The following CEP83 variants were observed in gnomAD, a reference collection of about 807,000 sequenced individuals.
CEP83 encodes the protein centrosomal protein of 83 kDa.
Under a neutral mutation model 101.9 loss-of-function variants are expected in CEP83, and 70 were observed. The observed-to-expected ratio is 0.69, with a 90% confidence interval of 0.57 to 0.84. The LOEUF (loss-of-function observed/expected upper bound fraction) is 0.84, where lower values mean the gene tolerates loss of function less well. Ranked by LOEUF, CEP83 falls within the 40% of genes least tolerant of loss-of-function variation. The pLI, the probability that CEP83 is intolerant of heterozygous loss-of-function variation, is 0.00. For missense variants in CEP83, 715 were observed against 787.2 expected (o/e 0.91, Z 1.10); for synonymous variants, 264 against 267.9 (o/e 0.99, Z 0.14).
chr12:94,291,074 T>G, the CEP83 span, among the ~76,000 whole-genome samples: 1 of 152,116 alleles, frequency 6.6e-6, no homozygotes, highest in Non-Finnish European at 1.5e-5. Context: ...CCCATCAGGG[T>G]GTGGGGGAGG....
chr12:94,443,165 C>G (rs965135917), intron 1 of CEP83, among the ~76,000 whole-genome samples: 2 of 152,126 alleles, frequency 1.3e-5, no homozygotes, highest in African/African-American at 2.4e-5. Flanking sequence ...TTTTGCTGCC[C>G]CACAGGACCC....
chr12:94,397,932 C>G (rs573836887), intron 6 of CEP83, among the ~76,000 whole-genome samples: 1 of 152,200 alleles, frequency 6.6e-6, no homozygotes, highest in Non-Finnish European at 1.5e-5. Flanking sequence ...GGCCCATAAT[C>G]AGAGTGGCAA....
intron 11 of CEP83, among the ~76,000 whole-genome samples, chr12:94,362,463 T>G (rs1406067138): frequency 6.6e-6 from 1 of 152,014 alleles, no homozygotes; most frequent in African/African-American, 2.4e-5. Context: ...CTACTAAAAA[T>G]AACAGTCAAT....
At chr12:94,346,193 G>A (rs892599746) in intron 11 of CEP83, among the ~76,000 whole-genome samples, 11 of 152,000 alleles carry the variant, frequency 7.2e-5, no homozygotes, top group African/African-American at 2.7e-4. Context: ...GGGATTACAG[G>A]CACCTGCCAC....
At chr12:94,354,546 C>A (rs183193733) in intron 11 of CEP83, among the ~76,000 whole-genome samples, 2 of 152,088 alleles carry the variant, frequency 1.3e-5, no homozygotes, top group African/African-American at 4.8e-5. Flanking sequence ...ATATGTTAGG[C>A]CACAAAACAA....
chr12:94,420,617 G>A lies in CEP83; in HGVS notation c.-101-8026C>T, dbSNP rs375017626. Among the ~76,000 whole-genome samples, 20 of 151,986 alleles carry A rather than the reference G, an allele frequency of 1.3e-4. No homozygotes were observed. The East Asian group carries it at 2.3e-3, about 18-fold the overall frequency. On this transcript the variant is annotated intron_variant, in intron 2 of 16. Transcript: ENST00000397809. Reference sequence around the variant, plus strand: ...TTTGTTTTTTAGTTCATCAGCTTTCGTTACTGTTAGTGTATTTTATGTGTG... The same window carrying A: ...TTTGTTTTTTAGTTCATCAGCTTTCATTACTGTTAGTGTATTTTATGTGTG...
chr12:94,363,195 G>A (rs1168506324), intron 11 of CEP83, among the ~76,000 whole-genome samples: 1 of 152,174 alleles, frequency 6.6e-6, no homozygotes, highest in African/African-American at 2.4e-5. Flanking sequence ...CCAAATCAAA[G>A]AACATATGAA....
chr12:94,390,157 GCCT>G (rs1486571110), intron 6 of CEP83, among the ~76,000 whole-genome samples: 1 of 152,230 alleles, frequency 6.6e-6, no homozygotes. Context: ...TGGACAGACT[GCCT>G]CCTCAAGTGG....
At chr12:94,378,373 T>C (rs147608826) in intron 7 of CEP83, among the ~76,000 whole-genome samples, 3 of 152,192 alleles carry the variant, frequency 2.0e-5, no homozygotes, top group African/African-American at 7.2e-5. Flanking sequence ...GATACATCAG[T>C]ATGGTATTTC....
chr12:94,407,346 C>T (rs1325694737), intron 4 of CEP83, among the ~76,000 whole-genome samples: 2 of 152,138 alleles, frequency 1.3e-5, no homozygotes, highest in African/African-American at 4.8e-5. Flanking sequence ...TTGCTTAAAA[C>T]CAGCAATAAA....
chr12:94,431,170 G>C (rs939363787), intron 2 of CEP83, among the ~76,000 whole-genome samples: 2 of 152,102 alleles, frequency 1.3e-5, no homozygotes, highest in African/African-American at 4.8e-5. Context: ...TTTTGACAAA[G>C]GCACTAAGGA....
At chr12:94,336,005 T>C (rs931157404) in intron 11 of CEP83, among the ~76,000 whole-genome samples, 5 of 152,178 alleles carry the variant, frequency 3.3e-5, no homozygotes, top group East Asian at 1.9e-4. Flanking sequence ...TGGAAAATTA[T>C]AGAATGTGTT....
the CEP83 span, among the ~76,000 whole-genome samples, chr12:94,277,463 G>A: frequency 1.4e-4 from 22 of 152,130 alleles, no homozygotes; most frequent in African/African-American, 5.3e-4. Flanking sequence ...ATAAGTCACG[G>A]GCTCACATGC....
chr12:94,346,740 G>A (rs1256560409), intron 11 of CEP83, among the ~76,000 whole-genome samples: 1 of 152,202 alleles, frequency 6.6e-6, no homozygotes, highest in Admixed American at 6.5e-5. Flanking sequence ...AGAACTGAAT[G>A]CTTGCTTGTT....
intron 1 of CEP83, among the ~76,000 whole-genome samples, chr12:94,444,863 C>T (rs1164063801): frequency 6.6e-6 from 1 of 152,030 alleles, no homozygotes; most frequent in Non-Finnish European, 1.5e-5. Context: ...AAGCAGGTTA[C>T]AATAGCAAGA....
intron 11 of CEP83, among the ~76,000 whole-genome samples, chr12:94,365,535 C>T (rs1014281398): frequency 6.6e-6 from 1 of 152,068 alleles, no homozygotes; most frequent in Non-Finnish European, 1.5e-5. Context: ...TCTGGGAGGC[C>T]GAGGTGGGCA....
chr12:94,298,921 C>A, the CEP83 span: 2 of 878,380 alleles, frequency 2.3e-6, no homozygotes, highest in Admixed American at 3.3e-5. Flanking sequence ...GCTTGGTAAG[C>A]TATCATGTCA....
At chr12:94,320,656 G>C (rs567811164) in intron 14 of CEP83, among the ~76,000 whole-genome samples, 2 of 152,230 alleles carry the variant, frequency 1.3e-5, no homozygotes, top group South Asian at 4.1e-4. Context: ...GTCGAGGAAG[G>C]TTAGTTTGGC....
the CEP83 span, among the ~76,000 whole-genome samples, chr12:94,300,593 T>C: frequency 3.3e-5 from 5 of 152,056 alleles, no homozygotes; most frequent in Non-Finnish European, 5.9e-5. Flanking sequence ...CTGATAGTTA[T>C]GTGAGAACAA....
Sources: allele counts gnomAD v4.1 joint callset (sites outside exome capture counted in the v4.1 genomes callset), GRCh38; gene constraint gnomAD v4.1.1; transcripts MANE v1.5; gene names NCBI Gene and HGNC (gene_info 2026-07-23, HGNC 2026-07-21).